The following DAB1 variants were observed in gnomAD, a reference collection of about 807,000 sequenced individuals.
DAB1 encodes the protein disabled homolog 1.
DAB1 carries 15 observed loss-of-function variants against 64.6 expected under a neutral mutation model. That is an observed-to-expected ratio of 0.23 (90% CI 0.16 to 0.36). The LOEUF (loss-of-function observed/expected upper bound fraction) is 0.36, where lower values mean the gene tolerates loss of function less well. Among genes scored for constraint, DAB1 ranks in the 10% least tolerant of loss-of-function variants. DAB1 has a pLI of 1.00. For synonymous variants in DAB1, 235 were observed against 251.9 expected (o/e 0.93, Z 0.64); for missense variants, 596 against 706.7 (o/e 0.84, Z 1.78).
chr1:57,339,447 G>A (rs576920134), intron 1 of DAB1, among the ~76,000 whole-genome samples: 85 of 152,284 alleles, frequency 5.6e-4, no homozygotes, highest in African/African-American at 1.2e-3. Flanking sequence ...TGAGCACTGT[G>A]CCTGGCCGGC....
In DAB1 at chr1:57,342,388, AG is replaced by A. The variant is rs1677662455; in HGVS notation, c.-136-51223del. On this transcript the variant is annotated intron_variant, in intron 1 of 14. Transcript: ENST00000371236. The stretch of plus-strand genomic sequence containing the variant: ...CCTCTGTGCTGAGTTTCTTCATGGA[AG>A]GGTTCATATTTTGTTATTTCTTTAT... Among the ~76,000 whole-genome samples, 6 of 152,358 alleles carry A rather than the reference AG, an allele frequency of 3.9e-5. No individual in the cohort carries two copies. In the South Asian group the frequency reaches 1.2e-3, roughly 32 times the overall value.
chr1:57,060,431 T>C (rs539686881), intron 9 of DAB1, among the ~76,000 whole-genome samples: 2 of 152,268 alleles, frequency 1.3e-5, no homozygotes, highest in African/African-American at 4.8e-5. Context: ...ATTACAGGCC[T>C]GAGCCACCGC....
chr1:58,435,544 G>A (rs938344336), intron 3 of DAB1, among the ~76,000 whole-genome samples: 2 of 152,160 alleles, frequency 1.3e-5, no homozygotes, highest in Non-Finnish European at 2.9e-5. Context: ...ATGTTCACCA[G>A]TAAACTGAGC....
chr1:57,981,315 G>A (rs1646061489), intron 5 of DAB1, among the ~76,000 whole-genome samples: 3 of 151,906 alleles, frequency 2.0e-5, no homozygotes, highest in Admixed American at 6.6e-5. Context: ...AGGAGGAGGA[G>A]GAAGAGGAAG....
At chr1:57,172,218 A>C (rs11206989) in intron 2 of DAB1, among the ~76,000 whole-genome samples, 41,518 of 152,062 alleles carry the variant, frequency 0.27, 9,032 homozygotes, top group African/African-American at 0.61. Flanking sequence ...TAACTCATTA[A>C]ATTTGCAATG....
intron 3 of DAB1, among the ~76,000 whole-genome samples, chr1:58,386,523 A>G (rs1014109887): frequency 4.6e-5 from 7 of 152,154 alleles, no homozygotes; most frequent in Non-Finnish European, 1.5e-5. Flanking sequence ...AAGTGAAAGA[A>G]CAAGCAGAGA....
At chr1:57,706,930 C>T (rs111274155) in intron 6 of DAB1, among the ~76,000 whole-genome samples, 42 of 151,978 alleles carry the variant, frequency 2.8e-4, no homozygotes, top group African/African-American at 9.4e-4. Flanking sequence ...AAAAATTAGC[C>T]GGGCGTGGTG....
chr1:57,899,362 T>A (rs1452225375), intron 5 of DAB1, among the ~76,000 whole-genome samples: 1 of 152,176 alleles, frequency 6.6e-6, no homozygotes. Flanking sequence ...TGTGATCTTA[T>A]ACCATTGTTA....
chr1:57,158,037 C>T (rs1557832607), intron 2 of DAB1, among the ~76,000 whole-genome samples: 3 of 152,236 alleles, frequency 2.0e-5, no homozygotes, highest in South Asian at 4.2e-4. Context: ...TATGCTACTT[C>T]CTGTGTATAA....
chr1:57,534,088 T>C (rs1299993168), intron 7 of DAB1, among the ~76,000 whole-genome samples: 4 of 152,150 alleles, frequency 2.6e-5, no homozygotes, highest in Admixed American at 1.3e-4. Context: ...TCTGTCTTCA[T>C]GGTCAAACCA....
intron 4 of DAB1, among the ~76,000 whole-genome samples, chr1:58,291,992 G>T (rs966957537): frequency 6.6e-6 from 1 of 152,200 alleles, no homozygotes; most frequent in Non-Finnish European, 1.5e-5. Flanking sequence ...CAATACAGGT[G>T]AGCATCATTC....
intron 7 of DAB1, among the ~76,000 whole-genome samples, chr1:57,533,539 G>GTATATATATATATATATATA (rs59378470): frequency 3.4e-4 from 49 of 143,800 alleles, no homozygotes; most frequent in African/African-American, 1.2e-3. Context: ...TTCATAACAG[G>GTATATATATATATATATATA]TATATATATA....
intron 1 of DAB1, among the ~76,000 whole-genome samples, chr1:57,349,717 A>G (rs72674862): frequency 0.018 from 2,709 of 152,304 alleles, 40 homozygotes; most frequent in Non-Finnish European, 0.029. Flanking sequence ...GGAATTTTGC[A>G]TTAGGTACAC....
chr1:57,991,778 G>A (rs775197549), intron 5 of DAB1, among the ~76,000 whole-genome samples: 3 of 146,876 alleles, frequency 2.0e-5, no homozygotes, highest in Non-Finnish European at 4.4e-5. Context: ...CCTGAGAGGC[G>A]AAGGCTGCAG....
chr1:57,478,075 C>T (rs139520419), intron 7 of DAB1, among the ~76,000 whole-genome samples: 1,638 of 147,622 alleles, frequency 0.011, 25 homozygotes, highest in Middle Eastern at 0.045. Context: ...ACAACAGGCC[C>T]GGGTGTGTGA....
At chr1:58,320,490 G>C (rs185990629) in intron 4 of DAB1, among the ~76,000 whole-genome samples, 1 of 152,334 alleles carries the variant, frequency 6.6e-6, no homozygotes, top group Admixed American at 6.5e-5. Context: ...GAGAAATGAA[G>C]TGACTTGCCC....
chr1:58,464,763 G>A (rs1645277904), intron 3 of DAB1, among the ~76,000 whole-genome samples: 1 of 152,200 alleles, frequency 6.6e-6, no homozygotes, highest in African/African-American at 2.4e-5. Context: ...GCTTCTTGGA[G>A]GAGGAGACGA....
At chr1:58,129,391 A>T (rs1336365800) in intron 5 of DAB1, among the ~76,000 whole-genome samples, 18 of 134,850 alleles carry the variant, frequency 1.3e-4, no homozygotes, top group Admixed American at 4.4e-4. Context: ...AATTTTGTTG[A>T]TCCTTTCAAA....
At chr1:57,374,406 G>T (rs1261213484) in intron 1 of DAB1, among the ~76,000 whole-genome samples, 1 of 152,080 alleles carries the variant, frequency 6.6e-6, no homozygotes, top group Non-Finnish European at 1.5e-5. Flanking sequence ...ATTAAGAAAT[G>T]TATTATTTTG....
Sources: gnomAD v4.1 joint callset for allele counts (sites outside exome capture counted in the v4.1 genomes callset) on GRCh38, gnomAD v4.1.1 for gene constraint, MANE v1.5 for transcripts, NCBI Gene and HGNC (gene_info 2026-07-23, HGNC 2026-07-21) for gene names.